FTCDNL1: variants seen among roughly 807,000 people sequenced by gnomAD.
FTCDNL1 encodes the protein formiminotransferase cyclodeaminase N-terminal like.
A neutral mutation model predicts 5.9 loss-of-function variants in FTCDNL1; 11 were observed. The ratio of observed to expected loss-of-function variants is 1.87; its 90% confidence interval spans 1.18 to 3.10. FTCDNL1 has a LOEUF of 3.10. Ranked by LOEUF, FTCDNL1 falls within the 30% of genes most tolerant of loss-of-function variation. The pLI is 0.00. For synonymous variants in FTCDNL1, 58 were observed against 24.8 expected (o/e 2.34, Z -3.99); for missense variants, 115 against 65.5 (o/e 1.76, Z -2.61).
chr2:199,765,504 A>C, intron 3 of FTCDNL1, among the ~76,000 whole-genome samples: 1 of 134,536 alleles, frequency 7.4e-6, no homozygotes, highest in East Asian at 2.5e-4. Context: ...TGAAACTACT[A>C]CCACGTGGCA....
downstream of FTCDNL1, among the ~76,000 whole-genome samples, chr2:199,805,161 G>A (rs775953942): frequency 3.3e-5 from 5 of 152,176 alleles, no homozygotes; most frequent in Non-Finnish European, 7.4e-5. Context: ...GGGGCTTCTA[G>A]AAACAGGAGG....
chr2:199,724,903 T>C, the FTCDNL1 span, among the ~76,000 whole-genome samples: 3 of 152,152 alleles, frequency 2.0e-5, no homozygotes, highest in Non-Finnish European at 4.4e-5. Flanking sequence ...TCAGGTTCAC[T>C]TGATCCACAG....
At chr2:199,803,167 C>CTGGGTGAT (rs1327045699) in intron 3 of FTCDNL1, among the ~76,000 whole-genome samples, 9 of 129,906 alleles carry the variant, frequency 6.9e-5, no homozygotes, top group Non-Finnish European at 1.2e-4. Context: ...GCACTCCAGC[C>CTGGGTGAT]TGGGTGATGG....
In FTCDNL1 at chr2:199,776,361, C is replaced by T. The variant is rs141489311; in HGVS notation, c.212-15526G>A. Among the ~76,000 whole-genome samples, 1,143 of 152,328 alleles carry T rather than the reference C, an allele frequency of 7.5e-3. 18 individuals are homozygous for T. The highest frequency in any genetic ancestry group is 0.026 in the African/African-American group (1,086 of 41,572). On this transcript the variant is annotated intron_variant, in intron 3 of 3. Transcript: ENST00000416668. ...AGGCTTACATACATCCCCAAAACAA[C>T]ACCTCACAACATCCATCTCAGTTTT...
chr2:199,741,425 A>G, the FTCDNL1 span, among the ~76,000 whole-genome samples: 120,577 of 152,256 alleles, frequency 0.79, 50,789 homozygotes, highest in East Asian at 1. Context: ...GCACTGGCCC[A>G]CAAAGCACCA....
intron 3 of FTCDNL1, among the ~76,000 whole-genome samples, chr2:199,766,709 C>T (rs577385005): frequency 3.3e-5 from 5 of 152,210 alleles, no homozygotes; most frequent in African/African-American, 7.2e-5. Flanking sequence ...TGAACTTAAA[C>T]GTCAGCTTGA....
At chr2:199,800,044 T>A (rs1700365731) in intron 3 of FTCDNL1, among the ~76,000 whole-genome samples, 2 of 152,264 alleles carry the variant, frequency 1.3e-5, no homozygotes, top group East Asian at 1.9e-4. Flanking sequence ...TGTGATTATA[T>A]AATAATCACA....
intron 3 of FTCDNL1, among the ~76,000 whole-genome samples, chr2:199,844,016 C>G (rs1273186659): frequency 6.6e-6 from 1 of 152,038 alleles, no homozygotes; most frequent in Non-Finnish European, 1.5e-5. Context: ...TCAACCTCAT[C>G]ATTACCCCTG....
chr2:199,846,294 G>A, intron 2 of FTCDNL1, 124 bp from the exon 3 acceptor site: 1 of 574,368 alleles, frequency 1.7e-6, no homozygotes. Flanking sequence ...ACTTTTGGAA[G>A]TGACATTGAA....
At chr2:199,721,119 AATTTT>A in the FTCDNL1 span, among the ~76,000 whole-genome samples, 2 of 152,002 alleles carry the variant, frequency 1.3e-5, no homozygotes, top group African/African-American at 4.8e-5. Context: ...TTATGTTTTA[AATTTT>A]ATTTTATTTA....
At chr2:199,828,757 A>C (rs1702184636) in intron 3 of FTCDNL1, among the ~76,000 whole-genome samples, 1 of 152,230 alleles carries the variant, frequency 6.6e-6, no homozygotes, top group Non-Finnish European at 1.5e-5. Context: ...CTAGTTACTC[A>C]ATAAAGGTTT....
At chr2:199,734,289 TA>T in the FTCDNL1 span, among the ~76,000 whole-genome samples, 3 of 152,346 alleles carry the variant, frequency 2.0e-5, no homozygotes, top group African/African-American at 7.2e-5. Context: ...TTTTGCTTTA[TA>T]CAACATACAA....
At chr2:199,708,413 A>G in the FTCDNL1 span, among the ~76,000 whole-genome samples, 39 of 152,022 alleles carry the variant, frequency 2.6e-4, no homozygotes, top group Non-Finnish European at 5.3e-4. Flanking sequence ...CTGGTTATGG[A>G]TCAGATTTTC....
downstream of FTCDNL1, among the ~76,000 whole-genome samples, chr2:199,759,356 T>C (rs1698182896): frequency 6.7e-6 from 1 of 149,760 alleles, no homozygotes; most frequent in Non-Finnish European, 1.5e-5. Flanking sequence ...TTTGTCTTCC[T>C]TTTTTTTTAA....
chr2:199,754,052 G>A, the FTCDNL1 span, among the ~76,000 whole-genome samples: 14 of 152,216 alleles, frequency 9.2e-5, 1 homozygote, highest in Admixed American at 9.2e-4. Context: ...ACTTGGCCGG[G>A]CTATGATAGA....
intron 3 of FTCDNL1, among the ~76,000 whole-genome samples, chr2:199,777,121 C>T (rs1484859822): frequency 2.6e-5 from 4 of 151,710 alleles, no homozygotes; most frequent in East Asian, 2.0e-4. Context: ...GGCGAAACCC[C>T]GTCTCCACTA....
At chr2:199,769,268 T>C (rs1698687258) in intron 3 of FTCDNL1, among the ~76,000 whole-genome samples, 1 of 152,166 alleles carries the variant, frequency 6.6e-6, no homozygotes, top group African/African-American at 2.4e-5. Flanking sequence ...AAATCTCACC[T>C]TGAATTGTAA....
intron 3 of FTCDNL1, among the ~76,000 whole-genome samples, chr2:199,841,388 AAAAT>A (rs532212137): frequency 6.6e-6 from 1 of 152,020 alleles, no homozygotes; most frequent in Non-Finnish European, 1.5e-5. Flanking sequence ...TCTGTCTCAA[AAAAT>A]AAATAAATAA....
the FTCDNL1 span, among the ~76,000 whole-genome samples, chr2:199,668,410 C>G: frequency 6.6e-6 from 1 of 152,118 alleles, no homozygotes; most frequent in Admixed American, 6.6e-5. Context: ...ATGGAAACTT[C>G]TCCCTTAATA....
Sources: gnomAD v4.1 joint callset for allele counts (sites outside exome capture counted in the v4.1 genomes callset) on GRCh38, gnomAD v4.1.1 for gene constraint, MANE v1.5 for transcripts, NCBI Gene and HGNC (gene_info 2026-07-23, HGNC 2026-07-21) for gene names.